TRIM61: variants seen among roughly 807,000 people sequenced by gnomAD.
TRIM61 encodes the protein tripartite motif containing 61, also known as putative tripartite motif-containing protein 61.
Under a neutral mutation model 14.2 loss-of-function variants are expected in TRIM61, and 1 was observed. The observed-to-expected ratio is 0.07, with a 90% confidence interval of 0.03 to 0.33. TRIM61 has a LOEUF of 0.33. Ranked by LOEUF, TRIM61 falls within the 10% of genes least tolerant of loss-of-function variation. TRIM61 has a pLI of 0.99. For missense variants in TRIM61, 19 were observed against 202.2 expected (o/e 0.09, Z 5.49); for synonymous variants, 8 against 71.6 (o/e 0.11, Z 4.49).
At chr4:164,967,573 G>A (rs550645123) in intron 3 of TRIM61, among the ~76,000 whole-genome samples, 1 of 152,318 alleles carries the variant, frequency 6.6e-6, no homozygotes, top group East Asian at 1.9e-4. Flanking sequence ...TGTATGTACA[G>A]TATGTGTGTG....
chr4:164,968,529 C>T (rs1428164537), intron 3 of TRIM61: 20 of 985,744 alleles, frequency 2.0e-5, no homozygotes, highest in Non-Finnish European at 2.4e-5. Context: ...ATAGCCAAAA[C>T]TAGATTCACT....
intron 3 of TRIM61, among the ~76,000 whole-genome samples, chr4:164,964,347 CAAA>C (rs70952673): frequency 2.8e-5 from 2 of 71,832 alleles, no homozygotes; most frequent in Admixed American, 1.8e-4. Flanking sequence ...GACTCTGTCT[CAAA>C]AAAAAAAAAA....
chr4:164,970,859 G>C (rs999352822), intron 2 of TRIM61, among the ~76,000 whole-genome samples: 1 of 152,180 alleles, frequency 6.6e-6, no homozygotes, highest in East Asian at 1.9e-4. Flanking sequence ...CAGCATTTTG[G>C]GGGGCCAAGG....
chr4:164,971,313 C>T (rs989056279), intron 2 of TRIM61, among the ~76,000 whole-genome samples: 8 of 151,456 alleles, frequency 5.3e-5, no homozygotes, highest in African/African-American at 1.5e-4. Context: ...AATGTGTAGC[C>T]GAGTGCGGTG....
chr4:164,969,180 A>AT, intron 3 of TRIM61: 2 of 1,215,044 alleles, frequency 1.6e-6, no homozygotes, highest in Non-Finnish European at 1.0e-6. Flanking sequence ...TGGTAACCAT[A>AT]TTTTTTTAAT....
intron 3 of TRIM61, chr4:164,957,423 C>T (rs574642064): frequency 2.5e-6 from 4 of 1,614,062 alleles, no homozygotes; most frequent in Non-Finnish European, 1.7e-6. Context: ...AGGTCCCAGC[C>T]TCTTTTTGTG....
intron 3 of TRIM61, among the ~76,000 whole-genome samples, chr4:164,965,712 C>T (rs142401380): frequency 1.3e-3 from 205 of 152,216 alleles, no homozygotes; most frequent in African/African-American, 4.5e-3. Flanking sequence ...GGATTACAGG[C>T]ATGAGACACT....
chr4:164,966,411 A>C (rs1732238766), intron 3 of TRIM61, among the ~76,000 whole-genome samples: 1 of 152,260 alleles, frequency 6.6e-6, no homozygotes, highest in Non-Finnish European at 1.5e-5. Context: ...CTTGTCTCCC[A>C]AAGTGGGACA....
chr4:164,968,265 A>G lies in TRIM61; in HGVS notation c.525+1213T>C. 1 of 958,574 alleles carries G rather than the reference A, an allele frequency of 1.0e-6. No homozygotes were observed. The highest frequency in any genetic ancestry group is 1.2e-6 in the Non-Finnish European group (1 of 812,512). 59.4% of individuals were successfully genotyped at this position (958,574 alleles called of 1,614,324 possible). ...ATAAAGACTTAATCTTTCTTAAAGG[A>G]AAAGTATATAAGAAATACAGAAAAA... On this transcript the variant is annotated intron_variant, in intron 3 of 4. Coordinates refer to ENST00000329314, the MANE Select transcript of TRIM61 (RefSeq NM_001012414.3).
rs549373554 is a variant in TRIM61, at chr4:164,957,391, A to C, written c.526-2295T>G. ...CCAAGTCAGAAGGACCACCAGGAAA[A>C]GTCAGGAAGAGAACCACCATCAGGT... On this transcript the variant is annotated intron_variant, in intron 3 of 4. Coordinates refer to ENST00000329314, the MANE Select transcript of TRIM61 (RefSeq NM_001012414.3). The C allele has an allele frequency of 3.1e-6, 5 of 1,614,066 alleles. 1 individual carries two copies. The East Asian group carries it at 1.1e-4, about 36-fold the overall frequency.
chr4:164,961,190 A>G lies in TRIM61; in HGVS notation c.526-6094T>C, dbSNP rs891066833. On this transcript the variant is annotated intron_variant, in intron 3 of 4. Transcript: ENST00000329314. Reference sequence around the variant, plus strand: ...AAAAAAAAAAAAAAAAAAAAAAAAAAAAAGAAAGAAAAATAACAATAATTG... The same window carrying G: ...AAAAAAAAAAAAAAAAAAAAAAAAAGAAAGAAAGAAAAATAACAATAATTG... Among the ~76,000 whole-genome samples the G allele has an allele frequency of 6.5e-3, 915 of 141,306 alleles. 5 individuals carry two copies. Among genetic ancestry groups the G allele is most frequent in the African/African-American group, 0.021 (780 of 37,732 alleles). 92.7% of individuals were successfully genotyped at this position (141,306 alleles called of 152,430 possible). A position where few individuals can be genotyped will look rare whatever the true frequency, so the allele number is the denominator to read the frequency against.
chr4:164,963,605 G>A (rs1315195960), intron 3 of TRIM61, among the ~76,000 whole-genome samples: 15 of 151,858 alleles, frequency 9.9e-5, no homozygotes, highest in African/African-American at 1.5e-4. Context: ...TTAGCTAGGC[G>A]TGGTGGTGTG....
chr4:164,961,153 CA>C (rs762554625), intron 3 of TRIM61, among the ~76,000 whole-genome samples: 1 of 31,722 alleles, frequency 3.2e-5, no homozygotes, highest in Non-Finnish European at 6.7e-5. Flanking sequence ...AACTCTCAGG[CA>C]AAAAAAAAAA....
intron 2 of TRIM61, among the ~76,000 whole-genome samples, chr4:164,975,481 ATGT>A (rs1477937222): frequency 6.6e-6 from 1 of 152,186 alleles, no homozygotes; most frequent in East Asian, 1.9e-4. Flanking sequence ...CTTTGCTGAG[ATGT>A]TGTTAATTTG....
intron 2 of TRIM61, among the ~76,000 whole-genome samples, chr4:164,973,518 TA>T (rs1732418088): frequency 6.6e-6 from 1 of 152,186 alleles, no homozygotes; most frequent in Non-Finnish European, 1.5e-5. Flanking sequence ...AGAAAAGAGA[TA>T]AAATACAAAC....
intron 3 of TRIM61, among the ~76,000 whole-genome samples, chr4:164,960,307 G>C (rs575410673): frequency 6.6e-6 from 1 of 152,132 alleles, no homozygotes; most frequent in Admixed American, 6.5e-5. Flanking sequence ...CACTTTTCGA[G>C]GCCGAGGCGG....
chr4:164,973,047 C>T (rs564104467), intron 2 of TRIM61, among the ~76,000 whole-genome samples: 3 of 152,270 alleles, frequency 2.0e-5, no homozygotes. Flanking sequence ...CCACTTTCTG[C>T]TTAGATTACC....
At chr4:164,968,753 C>T (rs1448587202) in intron 3 of TRIM61, 22 of 980,444 alleles carry the variant, frequency 2.2e-5, no homozygotes, top group Non-Finnish European at 2.5e-5. Context: ...TAAAAAAATG[C>T]CAATCTTACT....
chr4:164,960,988 G>A (rs1295261696), intron 3 of TRIM61, among the ~76,000 whole-genome samples: 2 of 151,286 alleles, frequency 1.3e-5, no homozygotes, highest in Non-Finnish European at 2.9e-5. Context: ...ATTTACCTCA[G>A]TATATATTTT....
Sources: allele counts gnomAD v4.1 joint callset (sites outside exome capture counted in the v4.1 genomes callset), GRCh38; gene constraint gnomAD v4.1.1; transcripts MANE v1.5; gene names NCBI Gene and HGNC (gene_info 2026-07-23, HGNC 2026-07-21).